Variants in AREL1 observed in about 807,000 individuals in gnomAD.
AREL1 encodes apoptosis resistant E3 ubiquitin protein ligase 1, also known as apoptosis-resistant E3 ubiquitin protein ligase 1.
AREL1 carries 62 observed loss-of-function variants against 99.0 expected under a neutral mutation model. The ratio of observed to expected loss-of-function variants is 0.63; its 90% CI spans 0.51 to 0.77. AREL1 has a LOEUF of 0.77. Ranked by LOEUF, AREL1 falls within the 30% of genes least tolerant of loss-of-function variation. AREL1 has a pLI of 0.00. For missense variants in AREL1, 879 were observed against 1,027.6 expected, an observed-to-expected ratio of 0.86 and a Z score of 1.98; for synonymous variants, 380 against 376.5, an observed-to-expected ratio of 1.01 and a Z score of -0.11.
intron 5 of AREL1, 96 bp from the exon 6 acceptor site, chr14:74,676,848 G>A: frequency 9.9e-7 from 1 of 1,009,382 alleles, no homozygotes; most frequent in Non-Finnish European, 1.3e-6. Context: ...CCAGGCTGGA[G>A]TGCAGTGGCG....
At chr14:74,683,031 A>C (rs1366969678) in intron 5 of AREL1, among the ~76,000 whole-genome samples, 1 of 151,962 alleles carries the variant, frequency 6.6e-6, no homozygotes, top group African/African-American at 2.4e-5. Flanking sequence ...GCAGCAGATG[A>C]GTGGCTGCCT....
At chr14:74,672,162 A>G (rs1291236409) in intron 11 of AREL1, 1 of 292,868 alleles carries the variant, frequency 3.4e-6, no homozygotes, top group Non-Finnish European at 7.2e-6. Context: ...ATTCAATAAC[A>G]AGAAGTTTCT....
intron 8 of AREL1, among the ~76,000 whole-genome samples, chr14:74,675,441 A>C (rs1408579056): frequency 6.6e-6 from 1 of 152,220 alleles, no homozygotes; most frequent in Non-Finnish European, 1.5e-5. Flanking sequence ...CCAATCCTGT[A>C]GCCTAATAGT....
At chr14:74,698,138 C>T (rs1049528194) in intron 1 of AREL1, among the ~76,000 whole-genome samples, 9 of 152,166 alleles carry the variant, frequency 5.9e-5, no homozygotes, top group Admixed American at 5.9e-4. Flanking sequence ...TGGGCCTCTG[C>T]TCCCGGCACC....
chr14:74,698,197 T>C (rs2090011684), intron 1 of AREL1, among the ~76,000 whole-genome samples: 1 of 152,138 alleles, frequency 6.6e-6, no homozygotes, highest in Admixed American at 6.6e-5. Flanking sequence ...GCCAAAACCC[T>C]CACTCAACTT....
At chr14:74,700,312 G>A (rs6574190) in intron 1 of AREL1, among the ~76,000 whole-genome samples, 109,601 of 152,162 alleles carry the variant, frequency 0.72, 39,482 homozygotes, top group East Asian at 0.74. Context: ...AAGCTAAAAT[G>A]ACTTGCCTAT....
Position 74,692,121 on chromosome 14 carries a change from C to G in AREL1, c.-126G>C. 1 of 441,938 alleles carries G rather than the reference C, an allele frequency of 2.3e-6. No individual in the cohort carries two copies. Among genetic ancestry groups the G allele is most frequent in the Non-Finnish European group, 4.5e-6 (1 of 223,556 alleles). 27.4% of individuals were successfully genotyped at this position (441,938 alleles called of 1,614,324 possible). A position where few individuals can be genotyped will look rare whatever the true frequency, so the allele number is the denominator to read the frequency against. ...GCAGGTAACTTTTGGCCCCTTTCAC[C>G]TTGTCTTCCAACTTCCACATGAAAG... On this transcript the variant is annotated 5_prime_UTR_variant, in exon 2 of 20. Coordinates refer to ENST00000356357, the MANE Select transcript of AREL1 (RefSeq NM_001039479.2).
chr14:74,687,353 A>G (rs936236998), intron 2 of AREL1, among the ~76,000 whole-genome samples: 1 of 152,334 alleles, frequency 6.6e-6, no homozygotes, highest in East Asian at 1.9e-4. Flanking sequence ...AGTAATTGAA[A>G]AGCCTGGAGA....
At chr14:74,711,683 T>C (rs905961248) in intron 1 of AREL1, among the ~76,000 whole-genome samples, 4 of 152,182 alleles carry the variant, frequency 2.6e-5, no homozygotes, top group African/African-American at 9.7e-5. Flanking sequence ...GGACCTCGCA[T>C]GTTAACTATG....
chr14:74,687,671 C>T (rs183242690), intron 2 of AREL1, among the ~76,000 whole-genome samples: 5 of 152,244 alleles, frequency 3.3e-5, no homozygotes, highest in East Asian at 1.9e-4. Context: ...ATGTACCTCA[C>T]GGGGTGCTGT....
chr14:74,675,653 A>G (rs773692313), intron 8 of AREL1, 46 bp downstream of exon 8: 3 of 1,590,000 alleles, frequency 1.9e-6, no homozygotes, highest in Middle Eastern at 1.7e-4. Flanking sequence ...CCAATTACAC[A>G]CAGGTTCAAG....
At chr14:74,673,286 T>C in intron 9 of AREL1, 68 bp from the exon 10 acceptor site, 7 of 1,524,270 alleles carry the variant, frequency 4.6e-6, no homozygotes, top group Non-Finnish European at 6.3e-6. Context: ...TCCACAGCTC[T>C]ATCCTGTGTA....
rs1401008441 is a variant in AREL1, at chr14:74,669,999, C to T, written c.1736G>A (p.Arg579His). 9 of 1,613,814 alleles carry T rather than the reference C, an allele frequency of 5.6e-6. No individual in the cohort carries two copies. Among genetic ancestry groups the T allele is most frequent in the Admixed American group, 1.7e-5 (1 of 59,976 alleles). Residue 579 changes from arginine to histidine, a missense_variant, in exon 14 of 20, where the codon CGC becomes CAC. Physicochemically the swap from Arg to His is conservative, Grantham distance 29 (BLOSUM62 0). Transcript: ENST00000356357. ...TTGGGCCAGGAAAGAGCGGGTGAAG[C>T]GAGCTCGGACCAACTGCTTGTAGGC... ...GGAYKQLVRARFTRSFLAQII... is the reference protein window; with the variant it reads ...GGAYKQLVRAHFTRSFLAQII...
chr14:74,681,175 G>C (rs1320827168), intron 5 of AREL1, among the ~76,000 whole-genome samples: 1 of 152,036 alleles, frequency 6.6e-6, no homozygotes, highest in African/African-American at 2.4e-5. Context: ...GACAGAGCAA[G>C]GCCCTGTCTC....
At chr14:74,675,566 A>G (rs2089451226) in intron 8 of AREL1, 133 bp downstream of exon 8, 1 of 1,271,554 alleles carries the variant, frequency 7.9e-7, no homozygotes, top group African/African-American at 1.5e-5. Context: ...AACAGTTGAA[A>G]GTGGCTTTCT....
At chr14:74,703,099 C>T (rs1241432289) in intron 1 of AREL1, among the ~76,000 whole-genome samples, 4 of 152,250 alleles carry the variant, frequency 2.6e-5, no homozygotes, top group South Asian at 2.1e-4. Flanking sequence ...TTTACAGCAC[C>T]GCCTCACTCC....
intron 12 of AREL1, among the ~76,000 whole-genome samples, 179 bp downstream of exon 12, chr14:74,671,229 A>T (rs2089331617): frequency 7.0e-6 from 1 of 143,754 alleles, no homozygotes; most frequent in Admixed American, 7.1e-5. Flanking sequence ...AGTAAATACT[A>T]CCCTTTTTTT....
chr14:74,677,505 T>TA (rs1461005094), intron 5 of AREL1, among the ~76,000 whole-genome samples: 4 of 131,702 alleles, frequency 3.0e-5, no homozygotes, highest in Non-Finnish European at 6.5e-5. Context: ...CTCTCCTTTT[T>TA]TTTTTTTTTT....
intron 5 of AREL1, among the ~76,000 whole-genome samples, chr14:74,676,990 G>C (rs9323600): frequency 6.6e-6 from 1 of 151,258 alleles, no homozygotes; most frequent in African/African-American, 2.4e-5. Context: ...TAGTGGAGAC[G>C]GGGTTTCACT....
Sources: gnomAD v4.1 joint callset for allele counts (sites outside exome capture counted in the v4.1 genomes callset) on GRCh38, gnomAD v4.1.1 for gene constraint, MANE v1.5 for transcripts, NCBI Gene and HGNC (gene_info 2026-07-23, HGNC 2026-07-21) for gene names.